The following GLI2 variants were observed in gnomAD, a reference collection of about 807,000 sequenced individuals.
The protein encoded by GLI2 is GLI family zinc finger 2, also known as transcription activator GLI2.
Under a neutral mutation model 78.9 loss-of-function variants are expected in GLI2, and 22 were observed. The ratio of observed to expected loss-of-function variants is 0.28; its 90% CI spans 0.20 to 0.40. The LOEUF is 0.40. Ranked by LOEUF, GLI2 falls within the 10% of genes least tolerant of loss-of-function variation. The pLI is 1.00. For synonymous variants in GLI2, 974 were observed against 963.7 expected (o/e 1.01, Z -0.20); for missense variants, 2,097 against 2,213.2 (o/e 0.95, Z 1.05).
chr2:120,969,033 A>G (rs572062390), intron 6 of GLI2, 118 bp downstream of exon 6: 3 of 737,734 alleles, frequency 4.1e-6, no homozygotes, highest in African/African-American at 1.7e-5. Context: ...GACCTGTGGC[A>G]TTTGTGAATC....
intron 2 of GLI2, among the ~76,000 whole-genome samples, chr2:120,872,746 C>T (rs1175188972): frequency 6.6e-6 from 1 of 152,222 alleles, no homozygotes; most frequent in African/African-American, 2.4e-5. Flanking sequence ...TAAAATGGGG[C>T]TGATAATCCA....
At chr2:120,802,861 A>G (rs995170046) in intron 2 of GLI2, among the ~76,000 whole-genome samples, 1 of 152,250 alleles carries the variant, frequency 6.6e-6, no homozygotes, top group African/African-American at 2.4e-5. Flanking sequence ...TGTGGGCCGC[A>G]CCAGCAACAT....
At chr2:120,798,801 C>T in intron 2 of GLI2, among the ~76,000 whole-genome samples, 1 of 152,154 alleles carries the variant, frequency 6.6e-6, no homozygotes, top group East Asian at 1.9e-4. Context: ...GTCCTGGGGC[C>T]ACACATGGTC....
At chr2:120,952,322 C>G (rs1442058024) in intron 4 of GLI2, among the ~76,000 whole-genome samples, 1 of 152,236 alleles carries the variant, frequency 6.6e-6, no homozygotes, top group East Asian at 1.9e-4. Context: ...ACATCTGCAA[C>G]TTGAACTTCA....
chr2:120,824,655 A>G (rs942015303), intron 2 of GLI2, among the ~76,000 whole-genome samples: 1 of 152,196 alleles, frequency 6.6e-6, no homozygotes, highest in African/African-American at 2.4e-5. Context: ...CAGAGAGGGC[A>G]AGTCATTTAC....
intron 1 of GLI2, among the ~76,000 whole-genome samples, chr2:120,762,087 A>AC (rs1313932588): frequency 6.6e-6 from 1 of 152,174 alleles, no homozygotes; most frequent in East Asian, 1.9e-4. Flanking sequence ...TGCTGGGGGC[A>AC]CAGGGAAGTG....
intron 2 of GLI2, among the ~76,000 whole-genome samples, chr2:120,898,085 T>A (rs1345725383): frequency 6.6e-6 from 1 of 151,918 alleles, no homozygotes; most frequent in African/African-American, 2.4e-5. Context: ...GGTCTTTTCT[T>A]GTTGCTGTTT....
At chr2:120,893,531 T>A (rs1163124561) in intron 2 of GLI2, among the ~76,000 whole-genome samples, 2 of 151,890 alleles carry the variant, frequency 1.3e-5, no homozygotes, top group African/African-American at 4.8e-5. Context: ...GAATTGTAAG[T>A]CTTACATAGC....
chr2:120,844,361 A>C (rs1474083407), intron 2 of GLI2, among the ~76,000 whole-genome samples: 2 of 152,234 alleles, frequency 1.3e-5, no homozygotes, highest in Non-Finnish European at 2.9e-5. Context: ...GCCTAATGGC[A>C]TTAGATGGAA....
chr2:120,907,030 C>T (rs1051630218), intron 2 of GLI2, among the ~76,000 whole-genome samples: 6 of 152,246 alleles, frequency 3.9e-5, no homozygotes, highest in African/African-American at 1.4e-4. Context: ...CAACCTGTCC[C>T]TGTCACCCCC....
At chr2:120,822,985 G>A (rs1685852954) in intron 2 of GLI2, among the ~76,000 whole-genome samples, 2 of 152,288 alleles carry the variant, frequency 1.3e-5, no homozygotes, top group South Asian at 4.1e-4. Flanking sequence ...AGGCTGAGGG[G>A]GCATTGGAGG....
At position 120,984,756 on chromosome 2, in the gene GLI2, G is replaced by A. The variant is rs375560321; in HGVS notation, c.1905+13G>A. ...CGAGAGCTCCGGGGTAAGCGGAGCT[G>A]GGCAGCCCAGCCACGCAAGGCGACT... On this transcript the variant is annotated intron_variant, in intron 12 of 13. Coordinates refer to ENST00000361492, the MANE Select transcript of GLI2 (RefSeq NM_001374353.1). The A allele has an allele frequency of 3.7e-6, 6 of 1,610,964 alleles. No individual in the cohort carries two copies. Among genetic ancestry groups the A allele is most frequent in the African/African-American group, 2.7e-5 (2 of 74,910 alleles).
At chr2:120,949,487 C>G (rs1680876590) in intron 3 of GLI2, among the ~76,000 whole-genome samples, 1 of 151,768 alleles carries the variant, frequency 6.6e-6, no homozygotes, top group African/African-American at 2.4e-5. Context: ...GGGAACCTGG[C>G]AGATGCACCT....
chr2:120,784,179 G>T (rs572617740), intron 1 of GLI2, among the ~76,000 whole-genome samples: 1 of 152,198 alleles, frequency 6.6e-6, no homozygotes, highest in Non-Finnish European at 1.5e-5. Flanking sequence ...AGGGGCCTGG[G>T]AATGAAAGTC....
intron 3 of GLI2, among the ~76,000 whole-genome samples, chr2:120,947,747 G>T (rs567831705): frequency 6.6e-6 from 1 of 152,346 alleles, no homozygotes; most frequent in African/African-American, 2.4e-5. Context: ...AGGCTACACA[G>T]CCAAGCGGGA....
At chr2:120,922,991 A>G (rs1193674221) in intron 2 of GLI2, among the ~76,000 whole-genome samples, 4 of 152,070 alleles carry the variant, frequency 2.6e-5, no homozygotes, top group African/African-American at 9.7e-5. Context: ...AACCCTCCCC[A>G]GGCCTCTTTC....
chr2:120,819,974 G>T (rs1165323457), intron 2 of GLI2, among the ~76,000 whole-genome samples: 12 of 152,154 alleles, frequency 7.9e-5, no homozygotes, highest in Admixed American at 5.2e-4. Context: ...GAAAAGTGGG[G>T]CCCAGAGAAC....
intron 1 of GLI2, among the ~76,000 whole-genome samples, chr2:120,771,316 A>G (rs943258813): frequency 3.2e-4 from 49 of 152,348 alleles, no homozygotes; most frequent in African/African-American, 1.1e-3. Flanking sequence ...AATGAGAGCT[A>G]TGCTGTGCGA....
At chr2:120,904,951 G>GTGT (rs1288457090) in intron 2 of GLI2, among the ~76,000 whole-genome samples, 1 of 152,200 alleles carries the variant, frequency 6.6e-6, no homozygotes, top group Non-Finnish European at 1.5e-5. Context: ...CGCCTGAGCT[G>GTGT]CAGGCTTTCC....
Sources: allele counts gnomAD v4.1 joint callset (sites outside exome capture counted in the v4.1 genomes callset), GRCh38; gene constraint gnomAD v4.1.1; transcripts MANE v1.5; gene names NCBI Gene and HGNC (gene_info 2026-07-23, HGNC 2026-07-21).